The following ARL14EPL variants were observed in gnomAD, a reference collection of about 807,000 sequenced individuals.
ARL14EPL encodes ARF like GTPase 14 effector protein like.
In ARL14EPL, 17 loss-of-function variants were observed where a neutral mutation model predicts 15.9. The observed-to-expected ratio is 1.07, with a 90% confidence interval of 0.73 to 1.60. The LOEUF (loss-of-function observed/expected upper bound fraction) is 1.60. Ranked by LOEUF, ARL14EPL falls within the 40% of genes most tolerant of loss-of-function variation. The pLI, the probability that ARL14EPL is intolerant of heterozygous loss-of-function variation, is 0.00. For synonymous variants in ARL14EPL, 78 were observed against 63.8 expected (o/e 1.22, Z -1.06); for missense variants, 214 against 185.9 (o/e 1.15, Z -0.88).
intron 1 of ARL14EPL, among the ~76,000 whole-genome samples, chr5:116,049,078 C>G (rs1749324229): frequency 6.6e-6 from 1 of 152,158 alleles, no homozygotes; most frequent in East Asian, 1.9e-4. Flanking sequence ...AAGGAGCATG[C>G]TTTCACACCA....
intron 1 of ARL14EPL, 150 bp from the exon 2 acceptor site, chr5:116,051,307 A>G: frequency 3.4e-6 from 2 of 587,708 alleles, no homozygotes; most frequent in Admixed American, 6.3e-5. Context: ...AAGGTTTAAC[A>G]GTGAGTGGGA....
At chr5:116,055,649 AT>A (rs1749498855) in intron 3 of ARL14EPL, among the ~76,000 whole-genome samples, 3 of 151,450 alleles carry the variant, frequency 2.0e-5, no homozygotes, top group African/African-American at 7.3e-5. Flanking sequence ...ATATATATAT[AT>A]AATTTTTTTT....
chr5:116,048,715 G>T (rs562847585), intron 1 of ARL14EPL, among the ~76,000 whole-genome samples: 1 of 152,128 alleles, frequency 6.6e-6, no homozygotes, highest in South Asian at 2.1e-4. Flanking sequence ...CTGGGATCAG[G>T]TAACTTTGGT....
chr5:116,037,118 A>G (rs1280143271), intron 1 of ARL14EPL, among the ~76,000 whole-genome samples: 1 of 152,168 alleles, frequency 6.6e-6, no homozygotes, highest in Non-Finnish European at 1.5e-5. Flanking sequence ...TATGTCAGGT[A>G]CAAGGGGTGG....
At chr5:116,053,978 T>A (rs1283130044) in intron 2 of ARL14EPL, 36 bp from the exon 3 acceptor site, 5 of 1,494,204 alleles carry the variant, frequency 3.3e-6, no homozygotes, top group Non-Finnish European at 4.4e-6. Flanking sequence ...TAAAACTATC[T>A]GGTTCTTACT....
At chr5:116,049,467 T>C (rs957807445) in intron 1 of ARL14EPL, among the ~76,000 whole-genome samples, 5 of 152,228 alleles carry the variant, frequency 3.3e-5, no homozygotes, top group Non-Finnish European at 5.9e-5. Flanking sequence ...GTGTAATTAA[T>C]TAAATTAAAT....
intron 2 of ARL14EPL, 111 bp downstream of exon 2, chr5:116,051,672 G>A (rs1749382471): frequency 4.3e-6 from 4 of 928,818 alleles, no homozygotes; most frequent in Admixed American, 2.6e-5. Flanking sequence ...GACCTCACAG[G>A]GAGGAGCTCT....
intron 3 of ARL14EPL, among the ~76,000 whole-genome samples, chr5:116,056,910 C>T (rs1749530036): frequency 6.6e-6 from 1 of 152,138 alleles, no homozygotes. Flanking sequence ...AGGGAATCCT[C>T]CCTGACTCAT....
rs1371597368 is a variant in ARL14EPL at position 116,058,818 on chromosome 5, C to T, written c.330C>T (p.Tyr110=). The T allele has an allele frequency of 8.5e-6, 13 of 1,535,938 alleles. No individual in the cohort carries two copies. The highest frequency in any genetic ancestry group is 1.4e-5 in the African/African-American group (1 of 73,028). The part of the protein sequence containing the change: ...CLEKNCLGCF[Y]PCPKCNSNKC... ...AGAAGAACTGCCTGGGCTGCTTCTA[C>T]CCATGCCCGAAGTGTAACTCCAACA... The change falls in exon 4 of 4, where the codon TAC becomes TAT. Residue 110 remains tyrosine, a synonymous_variant. Transcript: ENST00000686077.
chr5:116,037,204 T>G (rs1749062993), intron 1 of ARL14EPL, among the ~76,000 whole-genome samples: 1 of 152,148 alleles, frequency 6.6e-6, no homozygotes, highest in East Asian at 1.9e-4. Context: ...ATAGGAGAGA[T>G]TCACTTTTTT....
intron 1 of ARL14EPL, among the ~76,000 whole-genome samples, chr5:116,050,326 C>T (rs554550076): frequency 7.9e-5 from 12 of 152,286 alleles, no homozygotes; most frequent in African/African-American, 2.9e-4. Context: ...TAGCTCCCAC[C>T]TAAGTAAGAA....
intron 1 of ARL14EPL, among the ~76,000 whole-genome samples, chr5:116,047,822 C>A (rs1400412834): frequency 6.6e-6 from 1 of 152,046 alleles, no homozygotes. Flanking sequence ...TTATGGCTGG[C>A]CTTGGAGAAA....
intron 1 of ARL14EPL, among the ~76,000 whole-genome samples, chr5:116,038,158 T>C (rs1749082765): frequency 6.6e-6 from 1 of 152,172 alleles, no homozygotes; most frequent in African/African-American, 2.4e-5. Flanking sequence ...CTATTCACAG[T>C]GAAAAATGTG....
chr5:116,035,195 A>T (rs141156774), intron 1 of ARL14EPL, among the ~76,000 whole-genome samples: 8 of 152,126 alleles, frequency 5.3e-5, no homozygotes, highest in African/African-American at 1.7e-4. Context: ...CCATGTCTCA[A>T]GCTGGTCATT....
At chr5:116,038,086 A>T (rs1387017817) in intron 1 of ARL14EPL, among the ~76,000 whole-genome samples, 1 of 152,190 alleles carries the variant, frequency 6.6e-6, no homozygotes, top group East Asian at 1.9e-4. Flanking sequence ...GGAGTGGGTT[A>T]GAACCTGAAA....
At chr5:116,051,626 GC>G in intron 2 of ARL14EPL, 65 bp downstream of exon 2, 1 of 1,332,436 alleles carries the variant, frequency 7.5e-7, no homozygotes, top group Non-Finnish European at 1.0e-6. Context: ...TCTCTGAGAT[GC>G]CCATGGATGT....
At chr5:116,052,743 A>G (rs1242152391) in intron 2 of ARL14EPL, among the ~76,000 whole-genome samples, 2 of 152,128 alleles carry the variant, frequency 1.3e-5, no homozygotes, top group African/African-American at 4.8e-5. Context: ...GACTTACTAG[A>G]CTCTTATTAA....
chr5:116,057,442 G>T (rs1389848180), intron 3 of ARL14EPL, among the ~76,000 whole-genome samples: 2 of 147,866 alleles, frequency 1.4e-5, no homozygotes, highest in Non-Finnish European at 3.0e-5. Context: ...GCATCAAATG[G>T]GCCGGAAACC....
intron 1 of ARL14EPL, among the ~76,000 whole-genome samples, chr5:116,034,882 A>G (rs1021470087): frequency 3.9e-5 from 6 of 152,236 alleles, no homozygotes; most frequent in African/African-American, 1.4e-4. Context: ...AAGAACCCCA[A>G]GTTATAGCTC....
Sources: gnomAD v4.1 joint callset for allele counts (sites outside exome capture counted in the v4.1 genomes callset) on GRCh38, gnomAD v4.1.1 for gene constraint, MANE v1.5 for transcripts, NCBI Gene and HGNC (gene_info 2026-07-23, HGNC 2026-07-21) for gene names.